Variants in SYNM observed in about 807,000 individuals in gnomAD.
SYNM encodes the protein desmuslin.
A neutral mutation model predicts 104.0 loss-of-function variants in SYNM; 95 were observed. That is an observed-to-expected ratio of 0.91 (90% CI 0.77 to 1.08). The LOEUF (loss-of-function observed/expected upper bound fraction) is 1.08, where lower values mean the gene tolerates loss of function less well. Among genes scored for constraint, SYNM ranks in the 50% least tolerant of loss-of-function variants. The pLI, the probability that SYNM is intolerant of heterozygous loss-of-function variation, is 0.00. For synonymous variants in SYNM, 918 were observed against 869.0 expected, an observed-to-expected ratio of 1.06 and a Z score of -0.99; for missense variants, 2,150 against 2,052.2, an observed-to-expected ratio of 1.05 and a Z score of -0.92.
At chr15:99,119,570 G>C (rs1363974182) in intron 2 of SYNM, among the ~76,000 whole-genome samples, 1 of 152,210 alleles carries the variant, frequency 6.6e-6, no homozygotes, top group Non-Finnish European at 1.5e-5. Flanking sequence ...GCTGCTTGCA[G>C]TTGCATGCGG....
Position 99,132,952 on chromosome 15 carries a change from A to G in SYNM, c.4592A>G (p.Gln1531Arg). 1.9e-6 allele frequency: 3 copies of G among 1,613,898 alleles called. No individual in the cohort carries two copies. The highest frequency in any genetic ancestry group is 2.5e-6 in the Non-Finnish European group (3 of 1,179,884). The change falls in exon 4 of 4, where the codon CAG (glutamine) becomes CGG (arginine). Residue 1531 changes from glutamine to arginine, a missense_variant. Transcript: ENST00000336292. ...KEQAMFDKKV[Q>R]LQRMVDQRSV... ...CAGGCCATGTTTGATAAGAAGGTGC[A>G]GCTCCAGAGAATGGTAGACCAAAGG... is the stretch of plus-strand genomic sequence containing the variant.
At position 99,132,376 on chromosome 15, in the gene SYNM, CAG is replaced by C. The variant is rs782180586; in HGVS notation, c.4021_4022del (p.Ser1341HisfsTer21). The C allele has an allele frequency of 6.2e-7, 1 of 1,613,858 alleles. No homozygotes were observed. Among genetic ancestry groups the C allele is most frequent in the Admixed American group, 1.7e-5 (1 of 60,012 alleles). On this transcript the variant is annotated frameshift_variant, in exon 4 of 4. Transcript: ENST00000336292. LOFTEE classifies it high-confidence loss of function. ...CCCCAACTGGGGGAATCTGGTGACTCAGAGAGCACTGTGCACGGAGAGGGCTC... is the reference window on the plus strand; with the variant it reads ...CCCCAACTGGGGGAATCTGGTGACTCAGAGCACTGTGCACGGAGAGGGCTC...
intron 2 of SYNM, among the ~76,000 whole-genome samples, chr15:99,115,689 T>A (rs1211579045): frequency 1.3e-5 from 2 of 152,098 alleles, no homozygotes; most frequent in Non-Finnish European, 2.9e-5. Flanking sequence ...CTCGAACTCC[T>A]GACCTCAGGT....
At chr15:99,110,357 ATTGGT>A (rs1209744718) in intron 1 of SYNM, among the ~76,000 whole-genome samples, 2 of 152,242 alleles carry the variant, frequency 1.3e-5, no homozygotes, top group East Asian at 3.9e-4. Flanking sequence ...ACTGCGGGGC[ATTGGT>A]TAGGAGGACG....
At position 99,131,632 on chromosome 15, in the gene SYNM, G is replaced by A. The variant is rs201116169; in HGVS notation, c.3272G>A (p.Gly1091Glu). ...GCTGGTGGGGCCTCTCACAGCTCGG[G>A]ACAGCGCACTCCCCAGGGCCCAGTG... is the stretch of plus-strand genomic sequence containing the variant. ...EVAGGASHSS[G>E]QRTPQGPVSA... Residue 1091 changes from glycine (G) to glutamate (E), a missense_variant, in exon 4 of 4, where the codon GGA becomes GAA. Coordinates refer to ENST00000336292, the MANE Select transcript of SYNM (RefSeq NM_145728.3). The surrounding 1 kb of genome is among the most constrained non-coding windows in gnomAD (Gnocchi z 4.3). 1.2e-4 allele frequency: 196 copies of A among 1,610,716 alleles called. No individual in the cohort carries two copies. Among genetic ancestry groups the A allele is most frequent in the Non-Finnish European group, 1.6e-4 (184 of 1,179,554 alleles).
rs1259390195 is a variant in SYNM at position 99,130,671 on chromosome 15, G to A, written c.2311G>A (p.Glu771Lys). 1.9e-6 allele frequency: 3 copies of A among 1,613,794 alleles called. No individual in the cohort carries two copies. Among genetic ancestry groups the A allele is most frequent in the Non-Finnish European group, 2.5e-6 (3 of 1,179,864 alleles). ...PEEFSVPFKV[E>K]EVEDVSPGPW... ...GGAGTTTTCCGTCCCATTCAAAGTG[G>A]AGGAGGTCGAAGATGTGTCGCCAGG... Residue 771 changes from glutamate (E) to lysine (K), a missense_variant, in exon 4 of 4, where the codon GAG becomes AAG. Transcript: ENST00000336292.
At position 99,105,662 on chromosome 15, in the gene SYNM, C is replaced by A; in HGVS notation, c.463C>A (p.Leu155Met). Residue 155 changes from leucine (L) to methionine (M), a missense_variant, in exon 1 of 4, where the codon CTG becomes ATG. Physicochemically the swap from Leu to Met is conservative, Grantham distance 15. Coordinates refer to ENST00000336292, the MANE Select transcript of SYNM (RefSeq NM_145728.3). The part of the protein sequence containing the change: ...DAAHERDVRE[L>M]RARAASLTMH... ...GGCCCACGAACGCGACGTGAGGGAG[C>A]TGCGCGCGCGCGCCGCCAGCCTTAC... 1.4e-6 allele frequency: 2 copies of A among 1,399,696 alleles called. No homozygotes were observed. The highest frequency in any genetic ancestry group is 3.0e-5 in the South Asian group (2 of 66,376). The allele number at this position is 1,399,696 out of a possible 1,614,324, so 86.7% of individuals were successfully genotyped here.
chr15:99,121,501 AG>A (rs1317746542), intron 2 of SYNM, among the ~76,000 whole-genome samples: 1 of 152,182 alleles, frequency 6.6e-6, no homozygotes, highest in East Asian at 1.9e-4. Context: ...CACTCGCTGC[AG>A]GCTAGCACAG....
chr15:99,137,924 A>G (rs1345518500), downstream of SYNM: 15 of 1,573,458 alleles, frequency 9.5e-6, no homozygotes, highest in Non-Finnish European at 4.3e-6. Context: ...TGACTGTTGA[A>G]TTCCATTTTC....
chr15:99,130,063 A>G lies in SYNM; in HGVS notation c.1703A>G (p.Lys568Arg), dbSNP rs1555485514. 6.2e-7 allele frequency: 1 copy of G among 1,613,950 alleles called. No individual in the cohort carries two copies. The change falls in exon 4 of 4, where the codon AAG becomes AGG. Residue 568 changes from lysine to arginine, a missense_variant. Physicochemically the swap from Lys to Arg is conservative, Grantham distance 26. Coordinates refer to ENST00000336292, the MANE Select transcript of SYNM (RefSeq NM_145728.3). ...KEKAKEKDSP[K>R]EKSVREREVP... is the part of the protein sequence containing the mutation. The stretch of plus-strand genomic sequence containing the variant: ...AAGGCTAAGGAGAAGGACTCACCGA[A>G]GGAGAAGAGCGTGCGAGAGAGAGAG...
In SYNM at chr15:99,130,765, A is replaced by G. The variant is rs568181830; in HGVS notation, c.2405A>G (p.His802Arg). Residue 802 changes from histidine to arginine, a missense_variant, in exon 4 of 4, where the codon CAT (histidine) becomes CGT (arginine). Transcript: ENST00000336292. Reference sequence around the variant, plus strand: ...GATGTCACATTCTCAGTTAATCAGCATCGAAGGACCAAGCAGCCTCAGGAG... The same window carrying G: ...GATGTCACATTCTCAGTTAATCAGCGTCGAAGGACCAAGCAGCCTCAGGAG... ...ESDVTFSVNQ[H>R]RRTKQPQENT... 1 of 1,614,010 alleles carries G rather than the reference A, an allele frequency of 6.2e-7. No individual in the cohort carries two copies. Among genetic ancestry groups the G allele is most frequent in the South Asian group, 1.1e-5 (1 of 91,084 alleles).
rs782651475 is a variant in SYNM at position 99,130,900 on chromosome 15, G to A, written c.2540G>A (p.Gly847Asp). The A allele has an allele frequency of 2.5e-5, 40 of 1,613,810 alleles. No individual in the cohort carries two copies. The highest frequency in any genetic ancestry group is 3.3e-5 in the Non-Finnish European group (39 of 1,179,860). The change falls in exon 4 of 4, where the codon GGC becomes GAC. Residue 847 changes from glycine to aspartate, a missense_variant. Coordinates refer to ENST00000336292, the MANE Select transcript of SYNM (RefSeq NM_145728.3). ...EHPGGHDRDD[G>D]SVYGQIHIEE... ...CCCGGGGGGCACGACAGAGATGACG[G>A]CTCGGTGTACGGGCAGATCCACATC...
chr15:99,129,339 T>C, intron 3 of SYNM, 28 bp from the exon 4 acceptor site: 1 of 1,602,292 alleles, frequency 6.2e-7, no homozygotes, highest in East Asian at 2.2e-5. Flanking sequence ...ACTGTCATTT[T>C]AATGAATGCT....
downstream of SYNM, chr15:99,139,484 A>G: frequency 6.3e-7 from 1 of 1,589,092 alleles, no homozygotes; most frequent in Non-Finnish European, 8.6e-7. Context: ...TGAGAGAAAG[A>G]TGACCTCATT....
intron 2 of SYNM, among the ~76,000 whole-genome samples, chr15:99,126,162 T>C (rs2067445272): frequency 6.6e-6 from 1 of 152,196 alleles, no homozygotes; most frequent in African/African-American, 2.4e-5. Flanking sequence ...CTACTTCTTT[T>C]TGTCGTCTCC....
At chr15:99,115,437 T>A (rs1448241021) in intron 2 of SYNM, among the ~76,000 whole-genome samples, 83 of 150,264 alleles carry the variant, frequency 5.5e-4, no homozygotes, top group Non-Finnish European at 9.0e-4. Flanking sequence ...TATTATTTTT[T>A]ATTTTAATTT....
chr15:99,125,060 C>CG (rs1410800255), intron 2 of SYNM, among the ~76,000 whole-genome samples: 2 of 152,188 alleles, frequency 1.3e-5, no homozygotes, highest in African/African-American at 4.8e-5. Flanking sequence ...GTGGGGAAGA[C>CG]GTATTTTTCC....
At chr15:99,112,053 CAAACA>C (rs775960132) in intron 1 of SYNM, among the ~76,000 whole-genome samples, 2 of 152,286 alleles carry the variant, frequency 1.3e-5, no homozygotes, top group Non-Finnish European at 2.9e-5. Flanking sequence ...TCTCCAAAAA[CAAACA>C]AAACAACCAA....
In SYNM at chr15:99,131,193, C is replaced by T. The variant is rs1456247479; in HGVS notation, c.2833C>T (p.Pro945Ser). Reference sequence around the variant, plus strand: ...CATGAAGGGCATCTCCTCCAAGGAGCCCCGGCAGCAGCTGGTGGAGGTCAT... The same window carrying T: ...CATGAAGGGCATCTCCTCCAAGGAGTCCCGGCAGCAGCTGGTGGAGGTCAT... The part of the protein sequence containing the change: ...TSMKGISSKE[P>S]RQQLVEVIGQ... Residue 945 changes from proline (P) to serine (S), a missense_variant, in exon 4 of 4, where the codon CCC (proline) becomes TCC (serine). Transcript: ENST00000336292. This position sits in a 1 kb window ranked among gnomAD's most constrained non-coding sequence, Gnocchi z 4.3. 6 of 1,608,224 alleles carry T rather than the reference C, an allele frequency of 3.7e-6. No homozygotes were observed. Among genetic ancestry groups the T allele is most frequent in the South Asian group, 2.2e-5 (2 of 89,806 alleles).
Sources: allele counts gnomAD v4.1 joint callset (sites outside exome capture counted in the v4.1 genomes callset), GRCh38; gene constraint gnomAD v4.1.1; non-coding constraint Gnocchi (gnomAD v3.1); transcripts MANE v1.5; gene names NCBI Gene and HGNC (gene_info 2026-07-23, HGNC 2026-07-21).